NIPAL3: variants seen among roughly 807,000 people sequenced by gnomAD.
NIPAL3 encodes NIPA like domain containing 3, also known as NIPA-like protein 3.
Under a neutral mutation model 47.2 loss-of-function variants are expected in NIPAL3, and 41 were observed. The observed-to-expected ratio is 0.87, with a 90% CI of 0.68 to 1.13. The LOEUF is 1.13. Among genes scored for constraint, NIPAL3 ranks in the 50% most tolerant of loss-of-function variants. The probability of loss-of-function intolerance (pLI) is 0.00; values close to 1 mark genes in which losing one functional copy is unlikely to be tolerated. For missense variants in NIPAL3, 449 were observed against 530.1 expected, an observed-to-expected ratio of 0.85 and a Z score of 1.50; for synonymous variants, 194 against 209.6, an observed-to-expected ratio of 0.93 and a Z score of 0.64.
Position 24,458,916 on chromosome 1 carries a change from G to A in NIPAL3, c.802G>A (p.Asp268Asn), listed in dbSNP as rs185614655. The change falls in exon 9 of 12, where the codon GAC (aspartate) becomes AAC (asparagine). Residue 268 changes from aspartate (D) to asparagine (N), a missense_variant. Asp to Asn is a conservative substitution (Grantham distance 23, BLOSUM62 1). Coordinates refer to ENST00000374399, the MANE Select transcript of NIPAL3 (RefSeq NM_020448.5). ...TTTGAGTCAAGCCTCACAGATGTAC[G>A]ACTCCTCTTTGATTGCCAGTGTGGG... Reference protein sequence around the residue: ...AFLSQASQMYDSSLIASVGYI... With the variant: ...AFLSQASQMYNSSLIASVGYI... The A allele has an allele frequency of 1.6e-4, 265 of 1,614,022 alleles. No homozygotes were observed. Among genetic ancestry groups the A allele is most frequent in the Admixed American group, 4.3e-4 (26 of 60,018 alleles).
intron 2 of NIPAL3, among the ~76,000 whole-genome samples, chr1:24,438,728 A>G (rs1225396268): frequency 6.6e-6 from 1 of 152,226 alleles, no homozygotes; most frequent in Non-Finnish European, 1.5e-5. Flanking sequence ...CCCCCGCCTT[A>G]AAGAATGGGC....
intron 6 of NIPAL3, among the ~76,000 whole-genome samples, chr1:24,450,511 T>C (rs1270071043): frequency 6.6e-6 from 1 of 152,150 alleles, no homozygotes; most frequent in African/African-American, 2.4e-5. Context: ...AATCAACTGA[T>C]TAAGGAAAAC....
intron 9 of NIPAL3, among the ~76,000 whole-genome samples, chr1:24,460,143 T>C (rs1228090108): frequency 2.6e-5 from 4 of 152,198 alleles, no homozygotes; most frequent in Non-Finnish European, 4.4e-5. Flanking sequence ...TTCATTGTCG[T>C]TTTCCTGCTT....
intron 8 of NIPAL3, among the ~76,000 whole-genome samples, chr1:24,458,127 A>G (rs1646308615): frequency 6.6e-6 from 1 of 152,158 alleles, no homozygotes. Context: ...ACAGCCAGTG[A>G]AGAAACTAGT....
At chr1:24,421,744 G>A (rs1644342412) in intron 2 of NIPAL3, 1 of 152,210 alleles carries the variant, frequency 6.6e-6, no homozygotes, top group Admixed American at 6.5e-5. Context: ...GAAGCCCTTA[G>A]GCAATGACCC....
At chr1:24,429,984 G>A (rs2360785) in intron 2 of NIPAL3, among the ~76,000 whole-genome samples, 65,123 of 151,996 alleles carry the variant, frequency 0.43, 15,264 homozygotes, top group African/African-American at 0.64. Context: ...TTAATGCAGT[G>A]TAAAATTTTA....
At chr1:24,424,764 G>A (rs190225482) in intron 2 of NIPAL3, among the ~76,000 whole-genome samples, 1 of 152,198 alleles carries the variant, frequency 6.6e-6, no homozygotes, top group African/African-American at 2.4e-5. Flanking sequence ...GGTCCAGTCG[G>A]TGATGGCCAG....
intron 11 of NIPAL3, among the ~76,000 whole-genome samples, chr1:24,468,223 G>A (rs1646780179): frequency 6.6e-6 from 1 of 152,098 alleles, no homozygotes; most frequent in African/African-American, 2.4e-5. Context: ...GCTGATGTGG[G>A]AGGATCACTG....
At chr1:24,447,271 A>G (rs745689534) in intron 5 of NIPAL3, among the ~76,000 whole-genome samples, 3 of 152,228 alleles carry the variant, frequency 2.0e-5, no homozygotes, top group Non-Finnish European at 4.4e-5. Flanking sequence ...AAATGCATCA[A>G]AAATAAGATG....
intron 4 of NIPAL3, 144 bp downstream of exon 4, chr1:24,442,370 C>G: frequency 1.2e-6 from 1 of 810,542 alleles, no homozygotes; most frequent in Non-Finnish European, 1.9e-6. Context: ...TCAGACACAC[C>G]AGGCCCTGTA....
At chr1:24,460,201 G>A (rs1264575381) in intron 9 of NIPAL3, among the ~76,000 whole-genome samples, 3 of 152,110 alleles carry the variant, frequency 2.0e-5, no homozygotes, top group Non-Finnish European at 4.4e-5. Flanking sequence ...AAAGCTGGAG[G>A]AAGGGTGCAT....
At chr1:24,466,566 TC>T (rs1320933024) in intron 11 of NIPAL3, among the ~76,000 whole-genome samples, 3 of 152,186 alleles carry the variant, frequency 2.0e-5, no homozygotes, top group Non-Finnish European at 2.9e-5. Context: ...AAGCCTCACT[TC>T]CTTGAACCCT....
At position 24,458,946 on chromosome 1, in the gene NIPAL3, A is replaced by C. The variant is rs1375357056; in HGVS notation, c.832A>C (p.Ile278Leu). Residue 278 changes from isoleucine to leucine, a missense_variant, in exon 9 of 12, where the codon ATT becomes CTT. Transcript: ENST00000374399. ...CTCTTTGATTGCCAGTGTGGGCTAC[A>C]TTCTGTCCACAACCATTGCTATCAC... ...DSSLIASVGY[I>L]LSTTIAITAG... 5.6e-6 allele frequency: 9 copies of C among 1,614,042 alleles called. No individual in the cohort carries two copies. The highest frequency in any genetic ancestry group is 7.6e-6 in the Non-Finnish European group (9 of 1,179,950).
Position 24,454,253 on chromosome 1 carries a change from A to G in NIPAL3, c.637+749A>G, listed in dbSNP as rs74690607. 4.7e-3 allele frequency: 5,519 copies of G among 1,170,022 alleles called. 239 individuals carry two copies. The African/African-American group carries it at 0.083, about 18-fold the overall frequency. 72.5% of individuals were successfully genotyped at this position (1,170,022 alleles called of 1,614,324 possible). ...GGGGAATCCATCCTTCCTGAGGAGA[A>G]GCAGACAGAGGCGGAGGAGCAGGCT... is the stretch of plus-strand genomic sequence containing the variant. On this transcript the variant is annotated intron_variant, in intron 7 of 11. Transcript: ENST00000374399. The surrounding 1 kb of genome is among the most constrained non-coding windows in gnomAD (Gnocchi z 4.1).
intron 1 of NIPAL3, among the ~76,000 whole-genome samples, chr1:24,417,357 C>T (rs1053359921): frequency 6.6e-5 from 10 of 152,118 alleles, no homozygotes; most frequent in East Asian, 1.9e-4. Flanking sequence ...GAATGCTTCC[C>T]GGGGCCTCTC....
In NIPAL3 at chr1:24,419,759, C is replaced by G. The variant is rs188839421; in HGVS notation, c.93+119C>G. On this transcript the variant is annotated intron_variant, in intron 2 of 11. Coordinates refer to ENST00000374399, the MANE Select transcript of NIPAL3 (RefSeq NM_020448.5). ...CATGCCTGTCACTGGTAGAAACAGG[C>G]AGGCTCTTCACACAGACAAGGGAAT... 597 of 858,938 alleles carry G rather than the reference C, an allele frequency of 7.0e-4. 1 individual carries two copies. The highest frequency in any genetic ancestry group is 9.1e-4 in the Non-Finnish European group (493 of 539,228). 53.2% of individuals were successfully genotyped at this position (858,938 alleles called of 1,614,324 possible).
intron 1 of NIPAL3, 65 bp from the exon 2 acceptor site, chr1:24,419,226 A>G: frequency 2.3e-6 from 2 of 853,668 alleles, no homozygotes; most frequent in South Asian, 5.3e-5. Flanking sequence ...CTCTTCTCAG[A>G]TAACAAAGCT....
Position 24,458,922 on chromosome 1 carries a change from T to C in NIPAL3, c.808T>C (p.Ser270Pro), listed in dbSNP as rs1646345408. ...TCAAGCCTCACAGATGTACGACTCC[T>C]CTTTGATTGCCAGTGTGGGCTACAT... ...LSQASQMYDS[S>P]LIASVGYILS... The change falls in exon 9 of 12, where the codon TCT becomes CCT. Residue 270 changes from serine to proline, a missense_variant. Physicochemically the swap from Ser to Pro is moderately conservative, Grantham distance 74. Coordinates refer to ENST00000374399, the MANE Select transcript of NIPAL3 (RefSeq NM_020448.5). 6.2e-7 allele frequency: 1 copy of C among 1,614,056 alleles called. No homozygotes were observed. The highest frequency in any genetic ancestry group is 1.1e-5 in the South Asian group (1 of 91,092).
At chr1:24,422,589 C>T (rs10489442) in intron 2 of NIPAL3, among the ~76,000 whole-genome samples, 29,303 of 152,178 alleles carry the variant, frequency 0.19, 3,320 homozygotes, top group East Asian at 0.3. Flanking sequence ...AAACCCAGAA[C>T]GTGCATTTTG....
Sources: gnomAD v4.1 joint callset for allele counts (sites outside exome capture counted in the v4.1 genomes callset) on GRCh38, gnomAD v4.1.1 for gene constraint, Gnocchi (gnomAD v3.1) non-coding constraint, MANE v1.5 for transcripts, NCBI Gene and HGNC (gene_info 2026-07-23, HGNC 2026-07-21) for gene names.